The following DCAF8L2 variants were observed in gnomAD, a reference collection of about 807,000 sequenced individuals.
The protein encoded by DCAF8L2 is DDB1- and CUL4-associated factor 8-like protein 2.
For synonymous variants in DCAF8L2, 200 were observed against 190.9 expected, an observed-to-expected ratio of 1.05 and a Z score of -0.39; for missense variants, 430 against 490.7, an observed-to-expected ratio of 0.88 and a Z score of 1.17.
the DCAF8L2 span, among the ~76,000 whole-genome samples, chrX:27,551,296 G>A: frequency 9.1e-6 from 1 of 110,374 alleles, no homozygotes; most frequent in Non-Finnish European, 1.9e-5. Flanking sequence ...CCACCACGCT[G>A]ATCACTAAGC....
chrX:27,746,940 G>A lies in DCAF8L2; in HGVS notation c.45G>A (p.Gly15=). The A allele has an allele frequency of 8.3e-7, 1 of 1,206,246 alleles. No homozygotes were observed. Among genetic ancestry groups the A allele is most frequent in the Non-Finnish European group, 1.1e-6 (1 of 893,045 alleles). ...EGSTDGLPDL[G]TESLFSSPEE... Reference sequence around the variant, plus strand: ...GCACAGACGGCTTACCAGACTTAGGGACTGAAAGCCTGTTCAGCAGCCCAG... The same window carrying A: ...GCACAGACGGCTTACCAGACTTAGGAACTGAAAGCCTGTTCAGCAGCCCAG... Residue 15 remains glycine, a synonymous_variant, in exon 5 of 5, where the codon GGG becomes GGA. Transcript: ENST00000451261.
At chrX:27,535,343 A>G in the DCAF8L2 span, among the ~76,000 whole-genome samples, 1 of 111,900 alleles carries the variant, frequency 8.9e-6, no homozygotes, top group Admixed American at 9.5e-5. Flanking sequence ...TGAGAACTCT[A>G]GGGTAAAAAA....
At chrX:27,717,022 T>C (rs1416197928) in intron 4 of DCAF8L2, among the ~76,000 whole-genome samples, 2 of 112,203 alleles carry the variant, frequency 1.8e-5, no homozygotes, top group African/African-American at 6.5e-5. Context: ...CTGAGGATAA[T>C]GGCTTCCAGC....
At chrX:27,510,165 C>T in the DCAF8L2 span, among the ~76,000 whole-genome samples, 2 of 110,409 alleles carry the variant, frequency 1.8e-5, no homozygotes, top group Non-Finnish European at 3.8e-5. Context: ...CCAAGATGCT[C>T]TGCAAAATAT....
intron 4 of DCAF8L2, among the ~76,000 whole-genome samples, chrX:27,719,433 C>A (rs1321406805): frequency 1.1e-5 from 1 of 92,616 alleles, no homozygotes; most frequent in Non-Finnish European, 2.1e-5. Flanking sequence ...CTCTTAAAAT[C>A]ATTTACCCAT....
chrX:27,723,511 A>C (rs902440834), intron 4 of DCAF8L2, among the ~76,000 whole-genome samples: 1 of 111,702 alleles, frequency 9.0e-6, no homozygotes, highest in Admixed American at 9.6e-5. Context: ...TAAAAAATGC[A>C]AACACACTCT....
intron 1 of DCAF8L2, among the ~76,000 whole-genome samples, chrX:27,605,264 T>C (rs1485375706): frequency 9.0e-6 from 1 of 111,699 alleles, no homozygotes; most frequent in African/African-American, 3.2e-5. Context: ...TATTATGTTT[T>C]GAATGATACA....
At chrX:27,691,397 A>G (rs1309441849) in intron 3 of DCAF8L2, among the ~76,000 whole-genome samples, 1 of 111,639 alleles carries the variant, frequency 9.0e-6, no homozygotes, top group African/African-American at 3.2e-5. Context: ...CATAATTGCA[A>G]TTCATTAAGA....
At chrX:27,491,830 A>T in the DCAF8L2 span, among the ~76,000 whole-genome samples, 11 of 111,563 alleles carry the variant, frequency 9.9e-5, no homozygotes, top group Admixed American at 1.1e-3. Flanking sequence ...TTTTCATGTC[A>T]TTAACAGTGA....
intron 3 of DCAF8L2, among the ~76,000 whole-genome samples, chrX:27,685,622 A>G (rs1025053397): frequency 8.9e-6 from 1 of 112,089 alleles, no homozygotes; most frequent in Admixed American, 9.5e-5. Context: ...TGAAACTTTG[A>G]AAGTATTAGA....
At chrX:27,554,202 GAA>G in the DCAF8L2 span, among the ~76,000 whole-genome samples, 1 of 112,019 alleles carries the variant, frequency 8.9e-6, no homozygotes, top group Non-Finnish European at 1.9e-5. Context: ...TTAAAAAACT[GAA>G]AGAAAGGATG....
chrX:27,600,561 C>T (rs1331906532), intron 1 of DCAF8L2, among the ~76,000 whole-genome samples: 4 of 111,423 alleles, frequency 3.6e-5, no homozygotes, highest in Non-Finnish European at 7.5e-5. Context: ...GAGCATGTTC[C>T]GAAAATTTTA....
chrX:27,715,119 A>G (rs772681428), intron 3 of DCAF8L2, among the ~76,000 whole-genome samples: 8 of 110,584 alleles, frequency 7.2e-5, no homozygotes, highest in South Asian at 3.8e-4. Context: ...TAGGCCGGGC[A>G]CGGTGGCTCA....
chrX:27,557,270 C>A, the DCAF8L2 span, among the ~76,000 whole-genome samples: 1 of 111,794 alleles, frequency 8.9e-6, no homozygotes, highest in Non-Finnish European at 1.9e-5. Context: ...GGATCTGATC[C>A]AACAACTTTT....
chrX:27,551,502 A>G, the DCAF8L2 span, among the ~76,000 whole-genome samples: 1 of 111,337 alleles, frequency 9.0e-6, no homozygotes, highest in Non-Finnish European at 1.9e-5. Flanking sequence ...ATACGAAAAA[A>G]ATGTTATTCA....
chrX:27,647,023 C>T (rs1310796096), intron 2 of DCAF8L2, among the ~76,000 whole-genome samples: 3 of 111,602 alleles, frequency 2.7e-5, no homozygotes, highest in African/African-American at 9.8e-5. Flanking sequence ...GACTTAGAAC[C>T]AGAAGTACCA....
In DCAF8L2 at chrX:27,596,756, A is replaced by G. The variant is rs911415125; in HGVS notation, c.-342+6316A>G. Among the ~76,000 whole-genome samples the G allele has an allele frequency of 2.8e-5, 3 of 106,134 alleles. No homozygotes were observed. The East Asian group carries it at 9.1e-4, about 32-fold the overall frequency. 92.2% of individuals were successfully genotyped at this position (106,134 alleles called of 115,157 possible). Reference sequence around the variant, plus strand: ...ATCTAAACTTGTGTACAAAAATTAAATATTCAAGTTAATTTTTTGAGTATC... The same window carrying G: ...ATCTAAACTTGTGTACAAAAATTAAGTATTCAAGTTAATTTTTTGAGTATC... On this transcript the variant is annotated intron_variant, in intron 1 of 4. Transcript: ENST00000451261.
upstream of DCAF8L2, among the ~76,000 whole-genome samples, chrX:27,587,982 AAAAATATATAT>A (rs1297474514): frequency 3.0e-5 from 1 of 33,145 alleles, no homozygotes; most frequent in Non-Finnish European, 5.3e-5. Context: ...CATTAAAAAA[AAAAATATATAT>A]ATATATATAT....
chrX:27,569,555 G>A, the DCAF8L2 span, among the ~76,000 whole-genome samples: 4 of 112,004 alleles, frequency 3.6e-5, no homozygotes, highest in Admixed American at 9.5e-5. Context: ...ACACTTTCTT[G>A]TATAAGGGAT....
Sources: gnomAD v4.1 joint callset for allele counts (sites outside exome capture counted in the v4.1 genomes callset) on GRCh38, gnomAD v4.1.1 for gene constraint, MANE v1.5 for transcripts, NCBI Gene and HGNC (gene_info 2026-07-23, HGNC 2026-07-21) for gene names.